EMCN: variants seen among roughly 807,000 people sequenced by gnomAD.
EMCN encodes endomucin.
In EMCN, 37 loss-of-function variants were observed where a neutral mutation model predicts 38.4. That is an observed-to-expected ratio of 0.96 (90% CI 0.74 to 1.27). EMCN has a LOEUF of 1.27. Among genes scored for constraint, EMCN ranks in the 50% most tolerant of loss-of-function variants. EMCN has a pLI of 0.00. For synonymous variants in EMCN, 95 were observed against 100.8 expected (o/e 0.94, Z 0.35); for missense variants, 318 against 302.8 (o/e 1.05, Z -0.37).
At chr4:100,446,050 G>A in intron 5 of EMCN, 1 of 984,130 alleles carries the variant, frequency 1.0e-6, no homozygotes, top group Non-Finnish European at 1.2e-6. Context: ...CAAAATGAAG[G>A]ATCCTTCAGT....
At chr4:100,433,655 C>A (rs531156684) in intron 5 of EMCN, among the ~76,000 whole-genome samples, 130 of 152,028 alleles carry the variant, frequency 8.6e-4, no homozygotes, top group Non-Finnish European at 1.5e-3. Context: ...CCTGCCTCAG[C>A]CTCTTCAGTA....
At chr4:100,449,792 C>A (rs1368250350) in intron 4 of EMCN, among the ~76,000 whole-genome samples, 1 of 151,912 alleles carries the variant, frequency 6.6e-6, no homozygotes, top group East Asian at 1.9e-4. Flanking sequence ...CACTTCAAAA[C>A]CCTTCTGTTG....
intron 8 of EMCN, among the ~76,000 whole-genome samples, chr4:100,420,557 G>A (rs1350001406): frequency 6.6e-6 from 1 of 151,964 alleles, no homozygotes; most frequent in Non-Finnish European, 1.5e-5. Flanking sequence ...AGTTGAAGGG[G>A]TATTTAGGTG....
chr4:100,422,836 T>G (rs1726929799), intron 7 of EMCN, among the ~76,000 whole-genome samples, 185 bp downstream of exon 7: 2 of 142,470 alleles, frequency 1.4e-5, no homozygotes, highest in African/African-American at 5.2e-5. Flanking sequence ...TTTTTTTTTT[T>G]TGTCATTAAG....
At chr4:100,515,863 A>AAAC (rs1729742467) in intron 1 of EMCN, among the ~76,000 whole-genome samples, 1 of 149,980 alleles carries the variant, frequency 6.7e-6, no homozygotes, top group Non-Finnish European at 1.5e-5. Flanking sequence ...AACAAACAAA[A>AAAC]AAACAGGCAG....
chr4:100,473,365 G>GTTTTTTTTTTTTTTTTTTTT lies in EMCN; in HGVS notation c.259+1672_259+1673insAAAAAAAAAAAAAAAAAAAA. Among the ~76,000 whole-genome samples, 16 of 29,874 alleles carry GTTTTTTTTTTTTTTTTTTTT rather than the reference G, an allele frequency of 5.4e-4. 1 individual carries two copies. Among genetic ancestry groups the GTTTTTTTTTTTTTTTTTTTT allele is most frequent in the Non-Finnish European group, 1.0e-3 (12 of 11,962 alleles). 19.6% of individuals were successfully genotyped at this position (29,874 alleles called of 152,430 possible). A position where few individuals can be genotyped will look rare whatever the true frequency, so the allele number is the denominator to read the frequency against. On this transcript the variant is annotated intron_variant, in intron 3 of 11. Transcript: ENST00000296420. ...TTCTAATGGGCATTTCCCGTTTCGT[G>GTTTTTTTTTTTTTTTTTTTT]TTTTTTTGTTTTTTTTTTTTGTTTT...
At chr4:100,399,036 A>G (rs888897037) in intron 11 of EMCN, among the ~76,000 whole-genome samples, 10 of 152,146 alleles carry the variant, frequency 6.6e-5, no homozygotes, top group African/African-American at 2.4e-4. Flanking sequence ...ATTTATGGGC[A>G]ACTTTAAAGC....
rs941248037 is a variant in EMCN at position 100,423,510 on chromosome 4, A to G, written c.416-106T>C. The G allele has an allele frequency of 1.6e-5, 12 of 739,004 alleles. No individual in the cohort carries two copies. In the African/African-American group the frequency reaches 1.7e-4, roughly 11 times the overall value. The allele number at this position is 739,004 out of a possible 1,614,324, so 45.8% of individuals were successfully genotyped here. ...GCTTTTCTGAAGATCTGTGAAAACT[A>G]TTTATTGTCAAATAGTAGGATAAAT... On this transcript the variant is annotated intron_variant, in intron 5 of 11. Coordinates refer to ENST00000296420, the MANE Select transcript of EMCN (RefSeq NM_016242.4).
At position 100,452,673 on chromosome 4, in the gene EMCN, G is replaced by A. The variant is rs112552973; in HGVS notation, c.377-5102C>T. On this transcript the variant is annotated intron_variant, in intron 4 of 11. Transcript: ENST00000296420. ...TGACTAAGTTACCAGCAAGAAATGC[G>A]TATGTATTGTTTTCTTCCCTCCATC... Among the ~76,000 whole-genome samples the A allele has an allele frequency of 4.9e-3, 738 of 152,098 alleles. 7 individuals are homozygous for A. The highest frequency in any genetic ancestry group is 0.017 in the African/African-American group (693 of 41,526).
At chr4:100,409,193 G>A (rs780372085) in intron 11 of EMCN, among the ~76,000 whole-genome samples, 45 of 152,070 alleles carry the variant, frequency 3.0e-4, no homozygotes, top group Middle Eastern at 3.4e-3. Flanking sequence ...TATCATTGTG[G>A]TCAGGCCAAT....
At chr4:100,445,931 G>C in intron 5 of EMCN, 1 of 388,222 alleles carries the variant, frequency 2.6e-6, no homozygotes, top group Non-Finnish European at 3.5e-6. Context: ...TTTGGCTTAG[G>C]AAAATTAGTT....
In EMCN at chr4:100,491,707, A is replaced by G. The variant is rs532102877; in HGVS notation, c.65-11668T>C. On this transcript the variant is annotated intron_variant, in intron 1 of 11. Transcript: ENST00000296420. ...CCAACATGAGGTGGTTGCAGTGCCT[A>G]TCCAGCAGCTTAGCCTGATAACAGA... 2.1e-3 allele frequency among the ~76,000 whole-genome samples: 315 copies of G among 152,328 alleles called. 1 individual carries two copies. Among genetic ancestry groups the G allele is most frequent in the Non-Finnish European group, 3.1e-3 (209 of 68,020 alleles).
At chr4:100,457,189 G>GTT (rs1402058775) in intron 4 of EMCN, among the ~76,000 whole-genome samples, 2 of 93,654 alleles carry the variant, frequency 2.1e-5, no homozygotes, top group Non-Finnish European at 1.9e-5. Flanking sequence ...ATATAGTTTG[G>GTT]TTGTGTGTGT....
intron 5 of EMCN, among the ~76,000 whole-genome samples, chr4:100,431,006 G>A (rs1407899377): frequency 2.0e-5 from 3 of 152,060 alleles, no homozygotes; most frequent in Admixed American, 6.6e-5. Flanking sequence ...CCTATAGAAT[G>A]GTTCATGTTT....
intron 4 of EMCN, among the ~76,000 whole-genome samples, chr4:100,462,192 C>A (rs1000191205): frequency 6.6e-6 from 1 of 152,094 alleles, no homozygotes; most frequent in African/African-American, 2.4e-5. Context: ...ATAACAAAAG[C>A]AATGGACAAC....
At chr4:100,498,643 A>C (rs1729271759) in intron 1 of EMCN, among the ~76,000 whole-genome samples, 1 of 152,064 alleles carries the variant, frequency 6.6e-6, no homozygotes, top group Non-Finnish European at 1.5e-5. Context: ...CACCATGCCC[A>C]GCTGGCCAGG....
In EMCN at chr4:100,475,112, A is replaced by C. The variant is rs770283691; in HGVS notation, c.188-3T>G. The stretch of plus-strand genomic sequence containing the variant: ...AAGTAATTCATTGGTGATTGTTCCT[A>C]GTTTGATAAAATAGATTAAATTATT... On this transcript the variant is annotated splice_polypyrimidine_tract_variant and splice_region_variant and intron_variant, in intron 2 of 11. Coordinates refer to ENST00000296420, the MANE Select transcript of EMCN (RefSeq NM_016242.4). 5.5e-6 allele frequency: 8 copies of C among 1,446,636 alleles called. No homozygotes were observed. Among genetic ancestry groups the C allele is most frequent in the Non-Finnish European group, 7.5e-6 (8 of 1,060,238 alleles). The allele number at this position is 1,446,636 out of a possible 1,614,324, so 89.6% of individuals were successfully genotyped here. A position where few individuals can be genotyped will look rare whatever the true frequency, so the allele number is the denominator to read the frequency against.
At chr4:100,494,972 G>A (rs1331216117) in intron 1 of EMCN, among the ~76,000 whole-genome samples, 1 of 151,672 alleles carries the variant, frequency 6.6e-6, no homozygotes, top group African/African-American at 2.4e-5. Flanking sequence ...CATGAAGGAA[G>A]GGGAACTACA....
chr4:100,497,093 G>T (rs1024144443), intron 1 of EMCN, among the ~76,000 whole-genome samples: 10 of 151,624 alleles, frequency 6.6e-5, no homozygotes, highest in African/African-American at 2.2e-4. Flanking sequence ...GATAATATAG[G>T]TAGAAACTAA....
Sources: allele counts gnomAD v4.1 joint callset (sites outside exome capture counted in the v4.1 genomes callset), GRCh38; gene constraint gnomAD v4.1.1; transcripts MANE v1.5; gene names NCBI Gene and HGNC (gene_info 2026-07-23, HGNC 2026-07-21).